The following PHB2 variants were observed in gnomAD, a reference collection of about 807,000 sequenced individuals.
The protein encoded by PHB2 is prohibitin 2.
A neutral mutation model predicts 46.4 loss-of-function variants in PHB2; 22 were observed. The ratio of observed to expected loss-of-function variants is 0.47; its 90% CI spans 0.34 to 0.68. The LOEUF (loss-of-function observed/expected upper bound fraction) is 0.68, where lower values mean the gene tolerates loss of function less well. Among genes scored for constraint, PHB2 ranks in the 30% least tolerant of loss-of-function variants. The pLI is 0.01. For synonymous variants in PHB2, 156 were observed against 150.5 expected (o/e 1.04, Z -0.27); for missense variants, 305 against 382.8 (o/e 0.80, Z 1.70).
Position 6,965,609 on chromosome 12 carries a change from G to A in PHB2, c.*76C>T. On this transcript the variant is annotated 3_prime_UTR_variant, in exon 10 of 10. Coordinates refer to ENST00000535923, the MANE Select transcript of PHB2 (RefSeq NM_001144831.2). The stretch of plus-strand genomic sequence containing the variant: ...TACTGGGGCGGGGTAGGGCTGTGCT[G>A]GACCCCTGGCTGGCTCCTCAAAAAC... 8.2e-7 allele frequency: 1 copy of A among 1,219,974 alleles called. No individual in the cohort carries two copies. Among genetic ancestry groups the A allele is most frequent in the Non-Finnish European group, 1.2e-6 (1 of 833,696 alleles). 75.6% of individuals were successfully genotyped at this position (1,219,974 alleles called of 1,614,324 possible).
In PHB2 at chr12:6,967,099, A is replaced by G; in HGVS notation, c.789+72T>C. ...GAACAAGCAAGGTTCGAATTCCCTC[A>G]CCTCAATGTGCCTTAACTGAAAGCA... On this transcript the variant is annotated intron_variant, in intron 7 of 9. Transcript: ENST00000535923. The surrounding 1 kb of genome is among the most constrained non-coding windows in gnomAD (Gnocchi z 4.9). 4 of 1,246,950 alleles carry G rather than the reference A, an allele frequency of 3.2e-6. No individual in the cohort carries two copies. The highest frequency in any genetic ancestry group is 4.6e-6 in the Non-Finnish European group (4 of 872,316). 77.2% of individuals were successfully genotyped at this position (1,246,950 alleles called of 1,614,324 possible). A position where few individuals can be genotyped will look rare whatever the true frequency, so the allele number is the denominator to read the frequency against.
rs1555150707 is a variant in PHB2 at position 6,965,884 on chromosome 12, GACCCCACAGA to G, written c.872+17_872+26del. 1.9e-6 allele frequency: 3 copies of G among 1,598,660 alleles called. No homozygotes were observed. Among genetic ancestry groups the G allele is most frequent in the Non-Finnish European group, 2.5e-6 (3 of 1,178,898 alleles). ...GGGTACTGGAGAAGGTGGCCTGCAGGACCCCACAGAAGCAACAACAGCTTACCTTCCCCTG... is the reference window on the plus strand; with the variant it reads ...GGGTACTGGAGAAGGTGGCCTGCAGGAGCAACAACAGCTTACCTTCCCCTG... On this transcript the variant is annotated intron_variant, in intron 9 of 9. Coordinates refer to ENST00000535923, the MANE Select transcript of PHB2 (RefSeq NM_001144831.2).
At chr12:6,969,217 A>T (rs1946272844) in intron 3 of PHB2, among the ~76,000 whole-genome samples, 1 of 152,208 alleles carries the variant, frequency 6.6e-6, no homozygotes, top group Non-Finnish European at 1.5e-5. Flanking sequence ...CAGTTAGAAA[A>T]AAAAGGCTTT....
chr12:6,966,843 C>T (rs1170123131), intron 7 of PHB2, among the ~76,000 whole-genome samples: 1 of 152,208 alleles, frequency 6.6e-6, no homozygotes, highest in Non-Finnish European at 1.5e-5. Context: ...CTCCTGGGTT[C>T]AAGTGATTCT....
chr12:6,968,711 G>A (rs782374020), intron 3 of PHB2, 116 bp from the exon 4 acceptor site: 2 of 799,158 alleles, frequency 2.5e-6, no homozygotes, highest in Non-Finnish European at 4.2e-6. Context: ...GCACTACCCT[G>A]GGGGGAGGAG....
chr12:6,969,405 T>G, intron 3 of PHB2, 93 bp downstream of exon 3: 1 of 651,826 alleles, frequency 1.5e-6, no homozygotes, highest in South Asian at 2.4e-5. Context: ...GAAAGAGGCC[T>G]AAAGGCCTGA....
chr12:6,970,608 C>T lies in PHB2; in HGVS notation c.-65G>A. The stretch of plus-strand genomic sequence containing the variant: ...GGTGCCGGCCCGCCTCTACCCCGCT[C>T]CGGCTTAGGTACTGCACCCTTCACA... On this transcript the variant is annotated 5_prime_UTR_variant, in exon 1 of 10. Transcript: ENST00000535923. The T allele has an allele frequency of 6.5e-7, 1 of 1,541,208 alleles. No individual in the cohort carries two copies. The highest frequency in any genetic ancestry group is 8.7e-7 in the Non-Finnish European group (1 of 1,147,280).
In PHB2 at chr12:6,970,595, C is replaced by T; in HGVS notation, c.-52G>A. The T allele has an allele frequency of 6.5e-7, 1 of 1,550,116 alleles. No homozygotes were observed. Among genetic ancestry groups the T allele is most frequent in the Non-Finnish European group, 8.7e-7 (1 of 1,153,132 alleles). ...GAGGTCAGAAGGGGGTGCCGGCCCG[C>T]CTCTACCCCGCTCCGGCTTAGGTAC... On this transcript the variant is annotated 5_prime_UTR_variant, in exon 1 of 10. Coordinates refer to ENST00000535923, the MANE Select transcript of PHB2 (RefSeq NM_001144831.2).
chr12:6,965,844 G>T, intron 9 of PHB2, 67 bp downstream of exon 9: 2 of 1,588,236 alleles, frequency 1.3e-6, no homozygotes, highest in Non-Finnish European at 1.7e-6. Flanking sequence ...TGGGAAAGGG[G>T]GTAGGGTAGG....
In PHB2 at chr12:6,970,600, A is replaced by G; in HGVS notation, c.-57T>C. On this transcript the variant is annotated 5_prime_UTR_variant, in exon 1 of 10. Coordinates refer to ENST00000535923, the MANE Select transcript of PHB2 (RefSeq NM_001144831.2). The stretch of plus-strand genomic sequence containing the variant: ...CAGAAGGGGGTGCCGGCCCGCCTCT[A>G]CCCCGCTCCGGCTTAGGTACTGCAC... 1.3e-6 allele frequency: 2 copies of G among 1,546,764 alleles called. No individual in the cohort carries two copies. The highest frequency in any genetic ancestry group is 1.2e-5 in the South Asian group (1 of 81,676).
Position 6,970,176 on chromosome 12 carries a change from C to T in PHB2, c.212+20G>A. 6.3e-7 allele frequency: 1 copy of T among 1,588,078 alleles called. No individual in the cohort carries two copies. The highest frequency in any genetic ancestry group is 8.6e-7 in the Non-Finnish European group (1 of 1,157,328). ...GTCAAGGGTGAAAGGTCAGGGTCAG[C>T]AGGCTCTGCCCGCCATTACCTGAAG... is the stretch of plus-strand genomic sequence containing the variant. On this transcript the variant is annotated intron_variant, in intron 2 of 9. Coordinates refer to ENST00000535923, the MANE Select transcript of PHB2 (RefSeq NM_001144831.2).
chr12:6,970,548 G>C lies in PHB2; in HGVS notation c.-5C>G. On this transcript the variant is annotated 5_prime_UTR_variant, in exon 1 of 10. In the 5' UTR this introduces an upstream ATG that the reference lacks. Coordinates refer to ENST00000535923, the MANE Select transcript of PHB2 (RefSeq NM_001144831.2). ...GTCCTTCAAGTTCTGGGCCATGTCT[G>C]ATCTTGAGGCCGGCGGCACTGGAGG... 1 of 1,592,866 alleles carries C rather than the reference G, an allele frequency of 6.3e-7. No individual in the cohort carries two copies. The highest frequency in any genetic ancestry group is 8.5e-7 in the Non-Finnish European group (1 of 1,172,384).
rs1221763188 is a variant in PHB2 at position 6,966,620 on chromosome 12, A to T, written c.790-120T>A. ...AGATTAGGGCAGGGGTGCAGCAATG[A>T]GTAACACATGGTTTCTGCTCGCACT... On this transcript the variant is annotated intron_variant, in intron 7 of 9. Transcript: ENST00000535923. 8.3e-6 allele frequency: 6 copies of T among 726,718 alleles called. No individual in the cohort carries two copies. In the African/African-American group the frequency reaches 8.6e-5, roughly 10 times the overall value. 45.0% of individuals were successfully genotyped at this position (726,718 alleles called of 1,614,324 possible).
intron 8 of PHB2, 105 bp downstream of exon 8, chr12:6,966,319 T>C: frequency 2.7e-6 from 2 of 753,948 alleles, no homozygotes; most frequent in Non-Finnish European, 4.8e-6. Context: ...TTTGGTTCAA[T>C]GTCTCTGAGC....
rs782594920 is a variant in PHB2, at chr12:6,970,188, G to C, written c.212+8C>G. On this transcript the variant is annotated splice_region_variant and intron_variant, in intron 2 of 9. Transcript: ENST00000535923. ...AGGTCAGGGTCAGCAGGCTCTGCCC[G>C]CCATTACCTGAAGTGAAGGCCCTCG... 2.5e-6 allele frequency: 4 copies of C among 1,606,540 alleles called. No homozygotes were observed. The highest frequency in any genetic ancestry group is 2.6e-6 in the Non-Finnish European group (3 of 1,173,612).
At position 6,967,203 on chromosome 12, in the gene PHB2, T is replaced by TG; in HGVS notation, c.756dup (p.Lys253GlnfsTer24). On this transcript the variant is annotated frameshift_variant, in exon 7 of 10. Coordinates refer to ENST00000535923, the MANE Select transcript of PHB2 (RefSeq NM_001144831.2). LOFTEE classifies it high-confidence loss of function. This position sits in a 1 kb window ranked among gnomAD's most constrained non-coding sequence, Gnocchi z 4.9. ...GAGATATTCTGGGCTGCTCGAATCT[T>TG]GCGAAGTTTGATGTAGCCAGGGTTC... 2 of 1,603,542 alleles carry TG rather than the reference T, an allele frequency of 1.2e-6. No individual in the cohort carries two copies. The highest frequency in any genetic ancestry group is 1.7e-6 in the Non-Finnish European group (2 of 1,174,840).
chr12:6,969,076 T>G (rs1946267879), intron 3 of PHB2, among the ~76,000 whole-genome samples: 1 of 152,080 alleles, frequency 6.6e-6, no homozygotes, highest in African/African-American at 2.4e-5. Context: ...GGAAGAGGTC[T>G]GGGGAACTCA....
chr12:6,967,261 A>T lies in PHB2; in HGVS notation c.712-13T>A. The T allele has an allele frequency of 1.9e-6, 3 of 1,613,714 alleles. No homozygotes were observed. The highest frequency in any genetic ancestry group is 2.5e-6 in the Non-Finnish European group (3 of 1,179,672). On this transcript the variant is annotated splice_polypyrimidine_tract_variant and intron_variant, in intron 6 of 9. Coordinates refer to ENST00000535923, the MANE Select transcript of PHB2 (RefSeq NM_001144831.2). The surrounding 1 kb of genome is among the most constrained non-coding windows in gnomAD (Gnocchi z 4.9). ...GTGCTTCTCCAAGGTGAGGAGGGTT[A>T]AGGTACACGCAAGGGCAGGTCTCAA...
upstream of PHB2, chr12:6,970,724 A>G (rs1946311007): frequency 1.1e-6 from 1 of 938,590 alleles, no homozygotes; most frequent in African/African-American, 1.7e-5. Flanking sequence ...TACGGACCCG[A>G]ACTTCGCGCA....
Sources: gnomAD v4.1 joint callset for allele counts (sites outside exome capture counted in the v4.1 genomes callset) on GRCh38, gnomAD v4.1.1 for gene constraint, Gnocchi (gnomAD v3.1) non-coding constraint, MANE v1.5 for transcripts, NCBI Gene and HGNC (gene_info 2026-07-23, HGNC 2026-07-21) for gene names.